Variants in COL6A2 observed in about 807,000 individuals in gnomAD.
COL6A2 encodes the protein collagen alpha-2(VI) chain.
COL6A2 carries 90 observed loss-of-function variants against 124.9 expected under a neutral mutation model. The observed-to-expected ratio is 0.72, with a 90% CI of 0.61 to 0.86. The LOEUF (loss-of-function observed/expected upper bound fraction) is 0.86, where lower values mean the gene tolerates loss of function less well. COL6A2 is among the 40% of genes least tolerant of loss of function. The pLI is 0.00. For synonymous variants in COL6A2, 793 were observed against 618.2 expected (o/e 1.28, Z -4.19); for missense variants, 1,607 against 1,502.5 (o/e 1.07, Z -1.15).
In COL6A2 at chr21:46,116,109, C is replaced by T. The variant is rs2078466305; in HGVS notation, c.900+56C>T. 1.3e-6 allele frequency: 2 copies of T among 1,524,062 alleles called. No individual in the cohort carries two copies. Among genetic ancestry groups the T allele is most frequent in the Middle Eastern group, 1.8e-4 (1 of 5,432 alleles). 94.4% of individuals were successfully genotyped at this position (1,524,062 alleles called of 1,614,324 possible). On this transcript the variant is annotated intron_variant, in intron 7 of 27. Coordinates refer to ENST00000300527, the MANE Select transcript of COL6A2 (RefSeq NM_001849.4). The surrounding 1 kb of genome is among the most constrained non-coding windows in gnomAD (Gnocchi z 4.6). ...ACCCTGAGGCCCCAGCACTGCCAGG[C>T]AGGCTCCCCCCAGCCCAGCCTCGGC... is the stretch of plus-strand genomic sequence containing the variant.
At chr21:46,112,961 C>T in intron 4 of COL6A2, 137 bp downstream of exon 4, 2 of 1,146,064 alleles carry the variant, frequency 1.7e-6, no homozygotes, top group South Asian at 1.3e-5. Flanking sequence ...CATGTTGGAC[C>T]TGAGGCCTTG....
At chr21:46,108,455 G>T (rs926618707) in intron 1 of COL6A2, among the ~76,000 whole-genome samples, 1 of 152,130 alleles carries the variant, frequency 6.6e-6, no homozygotes, top group East Asian at 1.9e-4. Context: ...AAGGGTCCAT[G>T]ACCACAAAGA....
rs1035206442 is a variant in COL6A2 at position 46,126,424 on chromosome 21, T to A, written c.2423-79T>A. 1.9e-6 allele frequency: 3 copies of A among 1,587,966 alleles called. No individual in the cohort carries two copies. In the African/African-American group the frequency reaches 4.0e-5, roughly 21 times the overall value. On this transcript the variant is annotated intron_variant, in intron 26 of 27. Transcript: ENST00000300527. ...AGGCCAGCTGCACCCTGAGCCTGTC[T>A]AGGCAGATCAGTGAACGGCCGCTGA...
At chr21:46,123,947 G>A (rs1568937279) in intron 21 of COL6A2, among the ~76,000 whole-genome samples, 6 of 147,966 alleles carry the variant, frequency 4.1e-5, no homozygotes, top group Non-Finnish European at 7.4e-5. Flanking sequence ...GGTGATGGGT[G>A]GATGAGTGGA....
intron 19 of COL6A2, 77 bp downstream of exon 19, chr21:46,122,235 T>G: frequency 6.7e-7 from 1 of 1,502,672 alleles, no homozygotes; most frequent in South Asian, 1.2e-5. Flanking sequence ...TCCTAGTAGT[T>G]CCCTCAAGGC....
intron 1 of COL6A2, among the ~76,000 whole-genome samples, chr21:46,107,951 A>C (rs953309710): frequency 6.6e-6 from 1 of 152,172 alleles, no homozygotes; most frequent in African/African-American, 2.4e-5. Flanking sequence ...ATGGCCACTC[A>C]TATTTGGCTC....
intron 20 of COL6A2, 120 bp from the exon 21 acceptor site, chr21:46,122,755 A>G: frequency 5.4e-6 from 6 of 1,110,886 alleles, no homozygotes; most frequent in South Asian, 1.3e-5. Flanking sequence ...AAAACCACAT[A>G]GATGCTCCCG....
chr21:46,132,131 TGCA>T lies in COL6A2; in HGVS notation c.2641_2643del (p.Gln881del). The T allele has an allele frequency of 6.3e-7, 1 of 1,577,478 alleles. No individual in the cohort carries two copies. The highest frequency in any genetic ancestry group is 8.6e-7 in the Non-Finnish European group (1 of 1,164,098). On this transcript the variant is annotated inframe_deletion, in exon 28 of 28. Coordinates refer to ENST00000300527, the MANE Select transcript of COL6A2 (RefSeq NM_001849.4). ...CCTCTCAACGCACGCGTGGCGCTGC[TGCA>T]GTTTGGTGGCCCCGGCGAGCAGCAG... is the stretch of plus-strand genomic sequence containing the variant.
At chr21:46,120,459 G>C in intron 15 of COL6A2, 56 bp from the exon 16 acceptor site, 4 of 1,435,790 alleles carry the variant, frequency 2.8e-6, no homozygotes, top group Non-Finnish European at 2.9e-6. Flanking sequence ...TCTCACATGG[G>C]ACCCAGGCCG....
At chr21:46,128,739 G>A (rs973338181) in intron 27 of COL6A2, among the ~76,000 whole-genome samples, 2 of 152,262 alleles carry the variant, frequency 1.3e-5, no homozygotes, top group South Asian at 2.1e-4. Flanking sequence ...CTGCTCAGGG[G>A]AAGACAGTTC....
chr21:46,126,835 G>C (rs2078677710), intron 27 of COL6A2, among the ~76,000 whole-genome samples: 1 of 152,182 alleles, frequency 6.6e-6, no homozygotes, highest in African/African-American at 2.4e-5. Context: ...CCCACCATGG[G>C]CCTTGCAGTC....
At chr21:46,123,609 ATGGATGGATTGCTGGATGAGTGGGTGGG>A (rs2078602484) in intron 21 of COL6A2, among the ~76,000 whole-genome samples, 1 of 150,968 alleles carries the variant, frequency 6.6e-6, no homozygotes, top group Admixed American at 6.6e-5. Context: ...AGATGGATGA[ATGGATGGATTGCTGGATGAGTGGGTGGG>A]TGGATGGATA....
At position 46,116,053 on chromosome 21, in the gene COL6A2, G is replaced by A. The variant is rs774276521; in HGVS notation, c.900G>A (p.Lys300=). Residue 300 remains lysine (K), a splice_region_variant and synonymous_variant, in exon 7 of 28, where the codon AAG becomes AAA. Transcript: ENST00000300527. The surrounding 1 kb of genome is among the most constrained non-coding windows in gnomAD (Gnocchi z 4.6). ...IEGPIGFPGP[K]GVPGFKGEKG... ...GCCCCATTGGATTCCCAGGACCCAA[G>A]GTGAGTGACCTCGGCCAGGGGCTTG... 8 of 1,587,008 alleles carry A rather than the reference G, an allele frequency of 5.0e-6. No individual in the cohort carries two copies. Among genetic ancestry groups the A allele is most frequent in the African/African-American group, 1.3e-5 (1 of 74,200 alleles).
chr21:46,132,796 C>G lies in COL6A2; in HGVS notation c.*244C>G, dbSNP rs938815140. 4 of 579,644 alleles carry G rather than the reference C, an allele frequency of 6.9e-6. No homozygotes were observed. Among genetic ancestry groups the G allele is most frequent in the African/African-American group, 1.9e-5 (1 of 53,080 alleles). The allele number at this position is 579,644 out of a possible 1,614,324, so 35.9% of individuals were successfully genotyped here. Reference sequence around the variant, plus strand: ...CAGCCATCCCAAGGCTCCTGACCTACCTGGCCCCTGAGCTCTGGAGCAAGC... The same window carrying G: ...CAGCCATCCCAAGGCTCCTGACCTAGCTGGCCCCTGAGCTCTGGAGCAAGC... On this transcript the variant is annotated 3_prime_UTR_variant, in exon 28 of 28. Transcript: ENST00000300527.
intron 13 of COL6A2, 48 bp from the exon 14 acceptor site, chr21:46,118,982 C>T (rs1356631105): frequency 1.4e-6 from 2 of 1,433,746 alleles, no homozygotes; most frequent in Non-Finnish European, 2.0e-6. Flanking sequence ...GTGACCATGC[C>T]TCAGGGCCCC....
At chr21:46,128,673 G>A (rs79900420) in intron 27 of COL6A2, among the ~76,000 whole-genome samples, 9 of 152,230 alleles carry the variant, frequency 5.9e-5, no homozygotes, top group African/African-American at 1.7e-4. Flanking sequence ...GGGCCACAGC[G>A]TAACCTGAGC....
At position 46,120,811 on chromosome 21, in the gene COL6A2, G is replaced by A. The variant is rs743504; in HGVS notation, c.1395+234G>A. Among the ~76,000 whole-genome samples the A allele has an allele frequency of 0.45, 68,454 of 151,854 alleles. 16,821 individuals are homozygous for A. The highest frequency in any genetic ancestry group is 0.58 in the Admixed American group (8,939 of 15,288). On this transcript the variant is annotated intron_variant, in intron 16 of 27. Coordinates refer to ENST00000300527, the MANE Select transcript of COL6A2 (RefSeq NM_001849.4). ...GCAAGGGCTGCACCCCAAAGTAGGGGACCCAGGTGAGGGCTGCAACCCAAG... is the reference window on the plus strand; with the variant it reads ...GCAAGGGCTGCACCCCAAAGTAGGGAACCCAGGTGAGGGCTGCAACCCAAG...
intron 1 of COL6A2, among the ~76,000 whole-genome samples, chr21:46,110,524 C>T (rs2078383851): frequency 6.6e-6 from 1 of 152,224 alleles, no homozygotes; most frequent in African/African-American, 2.4e-5. Context: ...CCTCCCTGGG[C>T]CCCAGGCTGA....
Position 46,115,989 on chromosome 21 carries a change from T to C in COL6A2, c.856-20T>C, listed in dbSNP as rs2123625979. 1 of 1,611,922 alleles carries C rather than the reference T, an allele frequency of 6.2e-7. No homozygotes were observed. Among genetic ancestry groups the C allele is most frequent in the East Asian group, 2.2e-5 (1 of 44,826 alleles). On this transcript the variant is annotated intron_variant, in intron 6 of 27. Coordinates refer to ENST00000300527, the MANE Select transcript of COL6A2 (RefSeq NM_001849.4). ...CAGCGCCCCAGGGCTGGGCTCACAC[T>C]GCTGCGTTGTCCTTCACAGGGAGAC...
Sources: gnomAD v4.1 joint callset for allele counts (sites outside exome capture counted in the v4.1 genomes callset) on GRCh38, gnomAD v4.1.1 for gene constraint, Gnocchi (gnomAD v3.1) non-coding constraint, MANE v1.5 for transcripts, NCBI Gene and HGNC (gene_info 2026-07-23, HGNC 2026-07-21) for gene names.